Variants in ANO1 observed in about 807,000 individuals in gnomAD.
ANO1 encodes anoctamin 1.
In ANO1, 59 loss-of-function variants were observed where a neutral mutation model predicts 124.0. The observed-to-expected ratio is 0.48, with a 90% CI of 0.39 to 0.59. The LOEUF (loss-of-function observed/expected upper bound fraction) is 0.59, where lower values mean the gene tolerates loss of function less well. Among genes scored for constraint, ANO1 ranks in the 20% least tolerant of loss-of-function variants. ANO1 has a pLI of 0.00. For missense variants in ANO1, 1,059 were observed against 1,328.0 expected, an observed-to-expected ratio of 0.80 and a Z score of 3.15; for synonymous variants, 529 against 532.0, an observed-to-expected ratio of 0.99 and a Z score of 0.08.
At chr11:70,152,923 C>A in intron 13 of ANO1, 134 bp from the exon 14 acceptor site, 1 of 714,250 alleles carries the variant, frequency 1.4e-6, no homozygotes, top group South Asian at 1.8e-5. Context: ...TGGAAATATT[C>A]AGCAGCCAAC....
chr11:70,049,677 A>G (rs888168170), intron 1 of ANO1, among the ~76,000 whole-genome samples: 1 of 150,190 alleles, frequency 6.7e-6, no homozygotes, highest in East Asian at 2.0e-4. Context: ...ATGAATCTAC[A>G]TGCGGTCTAT....
intron 1 of ANO1, chr11:70,072,931 G>GT (rs1857908600): frequency 6.6e-6 from 1 of 152,272 alleles, no homozygotes; most frequent in Admixed American, 6.5e-5. Flanking sequence ...ATCAGAAGCT[G>GT]TATCATGTCT....
At chr11:70,136,046 G>A (rs1009264098) in intron 11 of ANO1, among the ~76,000 whole-genome samples, 4 of 152,236 alleles carry the variant, frequency 2.6e-5, no homozygotes, top group Non-Finnish European at 4.4e-5. Flanking sequence ...AGTTCCTGCT[G>A]CAAGGTCGTC....
intron 6 of ANO1, chr11:70,111,093 C>T (rs748175936): frequency 1.1e-5 from 5 of 456,304 alleles, no homozygotes; most frequent in South Asian, 7.7e-5. Context: ...CTGTCAGGCC[C>T]TTCCACCTCA....
intron 2 of ANO1, among the ~76,000 whole-genome samples, chr11:70,096,098 C>A (rs1427264010): frequency 6.6e-6 from 1 of 152,200 alleles, no homozygotes; most frequent in Non-Finnish European, 1.5e-5. Flanking sequence ...CTGTCTCTTG[C>A]CCTGGTGGGG....
chr11:70,021,979 G>T (rs1410519922), intron 1 of ANO1, among the ~76,000 whole-genome samples: 1 of 152,184 alleles, frequency 6.6e-6, no homozygotes, highest in Non-Finnish European at 1.5e-5. Flanking sequence ...AGCATAAGGT[G>T]TGCTGCTGTG....
chr11:70,150,854 TA>T (rs1013959524), intron 12 of ANO1, among the ~76,000 whole-genome samples: 6 of 152,216 alleles, frequency 3.9e-5, no homozygotes, highest in South Asian at 4.1e-4. Flanking sequence ...CTTTTTTCTT[TA>T]AAAAAAATTT....
intron 4 of ANO1, among the ~76,000 whole-genome samples, chr11:70,104,766 C>T (rs909028975): frequency 6.6e-6 from 1 of 152,088 alleles, no homozygotes; most frequent in Admixed American, 6.6e-5. Flanking sequence ...GTCATGGGAA[C>T]CCAGAGGGAC....
intron 1 of ANO1, among the ~76,000 whole-genome samples, chr11:70,081,673 G>A (rs912545264): frequency 3.3e-5 from 5 of 152,156 alleles, no homozygotes; most frequent in African/African-American, 4.8e-5. Flanking sequence ...AGAGACCAGC[G>A]GAAGAAACCA....
At chr11:69,988,979 G>A (rs1554997169) in intron 1 of ANO1, among the ~76,000 whole-genome samples, 1 of 151,990 alleles carries the variant, frequency 6.6e-6, no homozygotes, top group South Asian at 2.1e-4. Context: ...CAGGGAAGGA[G>A]GGAAGTAGGG....
Position 70,131,303 on chromosome 11 carries a change from A to ATGTGTG in ANO1, c.1098-591_1098-586dup, listed in dbSNP as rs58686061. Among the ~76,000 whole-genome samples the ATGTGTG allele has an allele frequency of 4.6e-3, 691 of 149,126 alleles. 4 individuals are homozygous for ATGTGTG. Among genetic ancestry groups the ATGTGTG allele is most frequent in the Middle Eastern group, 0.017 (5 of 290 alleles). On this transcript the variant is annotated intron_variant, in intron 10 of 25. Coordinates refer to ENST00000355303, the MANE Select transcript of ANO1 (RefSeq NM_018043.7). ...ATGCAGGTCTTTAGTTCAAAAATCA[A>ATGTGTG]TGTGTGTGTGTGTGTGTGTGTGTGT...
chr11:70,034,396 G>A (rs180751461), intron 1 of ANO1, among the ~76,000 whole-genome samples: 345 of 152,262 alleles, frequency 2.3e-3, no homozygotes, highest in Non-Finnish European at 4.2e-3. Flanking sequence ...TGAGGCATCC[G>A]GCGGTTGGGT....
intron 2 of ANO1, among the ~76,000 whole-genome samples, chr11:70,100,563 TTGAC>T (rs887658786): frequency 6.6e-6 from 1 of 152,080 alleles, no homozygotes; most frequent in Non-Finnish European, 1.5e-5. Flanking sequence ...TGGAGACACT[TTGAC>T]TGTGGACTTC....
chr11:70,097,565 T>C (rs1000309383), intron 2 of ANO1, among the ~76,000 whole-genome samples: 5 of 152,154 alleles, frequency 3.3e-5, no homozygotes, highest in African/African-American at 1.2e-4. Flanking sequence ...GGAGTGAGCA[T>C]TGCAGGGTCA....
chr11:69,975,409 C>T, the ANO1 span, among the ~76,000 whole-genome samples: 1 of 152,214 alleles, frequency 6.6e-6, no homozygotes, highest in Non-Finnish European at 1.5e-5. Flanking sequence ...CCCGTGGACC[C>T]ACTAACAGCC....
intron 1 of ANO1, among the ~76,000 whole-genome samples, chr11:70,033,685 G>A (rs763950900): frequency 6.6e-6 from 1 of 152,062 alleles, no homozygotes; most frequent in African/African-American, 2.4e-5. Context: ...ACTCACAGAT[G>A]TATAGAGCAG....
At chr11:70,112,548 CTTTTCT>C (rs1221057273) in intron 7 of ANO1, among the ~76,000 whole-genome samples, 1 of 114,356 alleles carries the variant, frequency 8.7e-6, no homozygotes, top group Non-Finnish European at 1.8e-5. Flanking sequence ...CTCCTCTTTT[CTTTTCT>C]TTTTTTTTTT....
intron 1 of ANO1, among the ~76,000 whole-genome samples, chr11:69,999,440 C>T (rs559515541): frequency 4.6e-5 from 7 of 152,228 alleles, no homozygotes; most frequent in South Asian, 2.1e-4. Flanking sequence ...GAGATTTGGG[C>T]GGGGACAATG....
chr11:70,066,049 C>A (rs1591069805), intron 1 of ANO1, among the ~76,000 whole-genome samples: 1 of 152,226 alleles, frequency 6.6e-6, no homozygotes, highest in African/African-American at 2.4e-5. Context: ...GGAAGGTAAG[C>A]TCTGTGGGAG....
Sources: gnomAD v4.1 joint callset for allele counts (sites outside exome capture counted in the v4.1 genomes callset) on GRCh38, gnomAD v4.1.1 for gene constraint, MANE v1.5 for transcripts, NCBI Gene and HGNC (gene_info 2026-07-23, HGNC 2026-07-21) for gene names.